The following NALCN variants were observed in gnomAD, a reference collection of about 807,000 sequenced individuals.
NALCN encodes the protein sodium leak channel, non-selective.
A neutral mutation model predicts 225.3 loss-of-function variants in NALCN; 111 were observed. The ratio of observed to expected loss-of-function variants is 0.49; its 90% CI spans 0.42 to 0.58. The LOEUF (loss-of-function observed/expected upper bound fraction) is 0.58. Among genes scored for constraint, NALCN ranks in the 20% least tolerant of loss-of-function variants. The probability of loss-of-function intolerance (pLI) is 0.00; values close to 1 mark genes in which losing one functional copy is unlikely to be tolerated. For missense variants in NALCN, 1,378 were observed against 2,202.4 expected (o/e 0.63, Z 7.49); for synonymous variants, 764 against 769.0 (o/e 0.99, Z 0.11).
In NALCN at chr13:101,089,836, G is replaced by A. The variant is rs1011332672; in HGVS notation, c.3390+10C>T. On this transcript the variant is annotated intron_variant, in intron 29 of 43. Transcript: ENST00000251127. The surrounding 1 kb of genome is among the most constrained non-coding windows in gnomAD (Gnocchi z 4.7). ...TTGAAGTGTTCAAAGGATTCGATGT[G>A]CTCGCTTACCGGCCCCACACGATGA... is the stretch of plus-strand genomic sequence containing the variant. 2.5e-6 allele frequency: 4 copies of A among 1,614,018 alleles called. No homozygotes were observed. Among genetic ancestry groups the A allele is most frequent in the Admixed American group, 3.3e-5 (2 of 60,006 alleles).
At chr13:101,078,840 C>T (rs973564692) in intron 34 of NALCN, among the ~76,000 whole-genome samples, 1 of 152,260 alleles carries the variant, frequency 6.6e-6, no homozygotes, top group Admixed American at 6.5e-5. Flanking sequence ...TGTGTCCCCA[C>T]CCAAATCTCA....
chr13:101,271,845 A>G (rs1376015803), intron 10 of NALCN, among the ~76,000 whole-genome samples: 2 of 148,874 alleles, frequency 1.3e-5, no homozygotes, highest in Non-Finnish European at 3.0e-5. Context: ...GTGCATTGTG[A>G]GGTGTGTGTG....
intron 13 of NALCN, among the ~76,000 whole-genome samples, chr13:101,203,779 T>G (rs2040216600): frequency 6.6e-6 from 1 of 151,684 alleles, no homozygotes; most frequent in South Asian, 2.1e-4. Context: ...AAAATTTTGT[T>G]TTTTTTACAA....
intron 13 of NALCN, among the ~76,000 whole-genome samples, chr13:101,224,218 G>A (rs1368957820): frequency 6.6e-6 from 1 of 152,152 alleles, no homozygotes; most frequent in Non-Finnish European, 1.5e-5. Flanking sequence ...AAAAGGAAGA[G>A]AAATCCACAT....
At chr13:101,091,751 G>A (rs368327252) in intron 28 of NALCN, among the ~76,000 whole-genome samples, 14 of 152,046 alleles carry the variant, frequency 9.2e-5, no homozygotes, top group Non-Finnish European at 1.8e-4. Context: ...TCTCAGAGCC[G>A]GTGTTGGACT....
intron 17 of NALCN, among the ~76,000 whole-genome samples, chr13:101,140,164 A>G (rs1300742707): frequency 6.6e-6 from 1 of 152,194 alleles, no homozygotes; most frequent in Non-Finnish European, 1.5e-5. Context: ...TATGTTTTTG[A>G]CATTCCACTT....
chr13:101,365,017 C>T (rs2046342783), intron 6 of NALCN, among the ~76,000 whole-genome samples: 1 of 151,994 alleles, frequency 6.6e-6, no homozygotes, highest in African/African-American at 2.4e-5. Flanking sequence ...CTCTAAATTC[C>T]AGTATGTTTC....
chr13:101,208,773 CTT>C, intron 13 of NALCN, among the ~76,000 whole-genome samples: 2 of 152,310 alleles, frequency 1.3e-5, no homozygotes, highest in South Asian at 2.1e-4. Context: ...CCTCCTCTCT[CTT>C]TTGTTTCTGT....
At chr13:101,410,125 C>T (rs893819312) in intron 1 of NALCN, among the ~76,000 whole-genome samples, 4 of 152,206 alleles carry the variant, frequency 2.6e-5, no homozygotes, top group African/African-American at 9.7e-5. Context: ...GGAGTTTAAG[C>T]CACCTAGTCT....
At chr13:101,255,495 C>G (rs1347263866) in intron 11 of NALCN, among the ~76,000 whole-genome samples, 3 of 152,190 alleles carry the variant, frequency 2.0e-5, no homozygotes, top group Admixed American at 6.5e-5. Flanking sequence ...TCTCTAATGT[C>G]AAGATTCCCT....
intron 15 of NALCN, among the ~76,000 whole-genome samples, chr13:101,145,346 A>G (rs1261967807): frequency 1.3e-5 from 2 of 152,236 alleles, no homozygotes; most frequent in Non-Finnish European, 2.9e-5. Context: ...TTGTAAAGAG[A>G]GACAATGGCA....
intron 10 of NALCN, among the ~76,000 whole-genome samples, chr13:101,275,358 GAGAC>G (rs980545226): frequency 2.0e-5 from 3 of 152,218 alleles, no homozygotes; most frequent in African/African-American, 7.2e-5. Flanking sequence ...CGGAGAGTGA[GAGAC>G]AGGCAGAGAA....
chr13:101,164,900 C>T (rs2038365990), intron 15 of NALCN, among the ~76,000 whole-genome samples: 1 of 152,144 alleles, frequency 6.6e-6, no homozygotes, highest in Non-Finnish European at 1.5e-5. Context: ...AAAGAGTCAT[C>T]TCTGACCAAA....
intron 15 of NALCN, among the ~76,000 whole-genome samples, chr13:101,148,025 G>A (rs2037446218): frequency 6.6e-6 from 1 of 152,114 alleles, no homozygotes; most frequent in Non-Finnish European, 1.5e-5. Context: ...TCATAACATG[G>A]TAGGATGAAT....
intron 9 of NALCN, among the ~76,000 whole-genome samples, chr13:101,286,864 TACACACACACACACACAC>T (rs71121180): frequency 6.8e-6 from 1 of 146,956 alleles, no homozygotes; most frequent in African/African-American, 2.5e-5. Context: ...CCAGGTATTA[TACACACACACACACACAC>T]ACACACACAC....
intron 6 of NALCN, among the ~76,000 whole-genome samples, chr13:101,368,173 T>G (rs954667837): frequency 3.3e-5 from 4 of 120,808 alleles, no homozygotes; most frequent in Non-Finnish European, 4.8e-5. Flanking sequence ...CCCACAACAG[T>G]CCCCAGAGTG....
chr13:101,124,800 C>T, intron 17 of NALCN, 119 bp from the exon 18 acceptor site: 1 of 886,656 alleles, frequency 1.1e-6, no homozygotes, highest in Non-Finnish European at 1.8e-6. Flanking sequence ...GCTAAAGCAT[C>T]ATCGTACAAT....
chr13:101,263,089 G>A (rs1195202907), intron 10 of NALCN, among the ~76,000 whole-genome samples: 1 of 152,200 alleles, frequency 6.6e-6, no homozygotes, highest in African/African-American at 2.4e-5. Flanking sequence ...GTCTAGTGAG[G>A]TAAGTAACAT....
intron 10 of NALCN, among the ~76,000 whole-genome samples, chr13:101,279,554 C>T (rs1308276962): frequency 2.0e-5 from 3 of 152,048 alleles, no homozygotes; most frequent in Non-Finnish European, 4.4e-5. Flanking sequence ...CGGTGGCTCA[C>T]GCCTGTAATC....
Sources: gnomAD v4.1 joint callset for allele counts (sites outside exome capture counted in the v4.1 genomes callset) on GRCh38, gnomAD v4.1.1 for gene constraint, Gnocchi (gnomAD v3.1) non-coding constraint, MANE v1.5 for transcripts, NCBI Gene and HGNC (gene_info 2026-07-23, HGNC 2026-07-21) for gene names.